The following C21orf91 variants were observed in gnomAD, a reference collection of about 807,000 sequenced individuals.
C21orf91 encodes chromosome 21 open reading frame 91.
A neutral mutation model predicts 32.9 loss-of-function variants in C21orf91; 26 were observed. The ratio of observed to expected loss-of-function variants is 0.79; its 90% CI spans 0.58 to 1.10. C21orf91 has a LOEUF of 1.10. C21orf91 is among the 50% of genes least tolerant of loss of function. C21orf91 has a pLI of 0.00. For missense variants in C21orf91, 310 were observed against 341.3 expected, an observed-to-expected ratio of 0.91 and a Z score of 0.72; for synonymous variants, 126 against 120.4, an observed-to-expected ratio of 1.05 and a Z score of -0.31.
chr21:17,809,959 G>C (rs1160074904), intron 2 of C21orf91, among the ~76,000 whole-genome samples: 1 of 152,128 alleles, frequency 6.6e-6, no homozygotes, highest in Non-Finnish European at 1.5e-5. Flanking sequence ...TACATTAATT[G>C]AAAATTATTT....
chr21:17,799,644 C>T (rs2062545330), intron 2 of C21orf91, among the ~76,000 whole-genome samples: 2 of 152,128 alleles, frequency 1.3e-5, no homozygotes, highest in Non-Finnish European at 2.9e-5. Flanking sequence ...GTTCTCATTT[C>T]CCCTAAGAAG....
chr21:17,795,320 T>A (rs756686236), intron 3 of C21orf91, 50 bp from the exon 4 acceptor site: 32 of 1,215,238 alleles, frequency 2.6e-5, no homozygotes, highest in East Asian at 1.6e-4. Context: ...TAGGAAAACA[T>A]GCTGCTTACA....
intron 1 of C21orf91, chr21:17,818,743 A>G (rs1420251029): frequency 6.4e-6 from 1 of 155,524 alleles, no homozygotes; most frequent in African/African-American, 2.4e-5. Context: ...TGCACGGGAC[A>G]CTGCTTTGCT....
In C21orf91 at chr21:17,817,114, T is replaced by C. The variant is rs145193245; in HGVS notation, c.127+1078A>G. Among the ~76,000 whole-genome samples the C allele has an allele frequency of 1.0e-3, 152 of 152,346 alleles. 1 individual carries two copies. The highest frequency in any genetic ancestry group is 3.3e-3 in the African/African-American group (137 of 41,588). Reference sequence around the variant, plus strand: ...GATTGTAGGAACACACCACTGTTCCTGTTATGTCATCTTTTGAAATTAGCT... The same window carrying C: ...GATTGTAGGAACACACCACTGTTCCCGTTATGTCATCTTTTGAAATTAGCT... On this transcript the variant is annotated intron_variant, in intron 2 of 4. Coordinates refer to ENST00000284881, the MANE Select transcript of C21orf91 (RefSeq NM_001100420.2).
chr21:17,794,864 C>T (rs1251145244), intron 4 of C21orf91, among the ~76,000 whole-genome samples: 5 of 151,820 alleles, frequency 3.3e-5, no homozygotes, highest in South Asian at 2.1e-4. Flanking sequence ...CCCAGGAGCT[C>T]GAGATCAGCC....
chr21:17,805,324 T>C (rs1161899258), intron 2 of C21orf91, among the ~76,000 whole-genome samples: 1 of 152,152 alleles, frequency 6.6e-6, no homozygotes, highest in Non-Finnish European at 1.5e-5. Context: ...GACTGATTGA[T>C]TGATTTTAGA....
At position 17,818,301 on chromosome 21, in the gene C21orf91, C is replaced by G. The variant is rs1484288257; in HGVS notation, c.18G>C (p.Gln6His). The G allele has an allele frequency of 6.2e-7, 1 of 1,611,824 alleles. No individual in the cohort carries two copies. Among genetic ancestry groups the G allele is most frequent in the East Asian group, 2.2e-5 (1 of 44,810 alleles). The change falls in exon 2 of 5, where the codon CAG becomes CAC. Residue 6 changes from glutamine to histidine, a missense_variant. By Grantham distance (24) the Gln-to-His change is conservative (BLOSUM62 0). Transcript: ENST00000284881. MNEEE[Q>H]FVNIDLNDDN... The stretch of plus-strand genomic sequence containing the variant: ...CATCATTCAAATCAATGTTTACAAA[C>G]TGCTCCTCTTCGTTCATAGTGCCCC...
intron 4 of C21orf91, among the ~76,000 whole-genome samples, chr21:17,794,008 T>G (rs951357154): frequency 6.6e-6 from 1 of 152,244 alleles, no homozygotes; most frequent in Non-Finnish European, 1.5e-5. Context: ...TTCCTACTCT[T>G]ACGTGCCTCA....
intron 2 of C21orf91, among the ~76,000 whole-genome samples, chr21:17,806,510 TAA>T (rs10719382): frequency 6.6e-6 from 1 of 151,486 alleles, no homozygotes; most frequent in Non-Finnish European, 1.5e-5. Context: ...GATGAGTTAG[TAA>T]AAAAAAAATG....
chr21:17,801,610 C>G (rs1568751824), intron 2 of C21orf91, among the ~76,000 whole-genome samples: 1 of 148,410 alleles, frequency 6.7e-6, no homozygotes, highest in Non-Finnish European at 1.5e-5. Flanking sequence ...ACAATGAGAA[C>G]ACATGGACAC....
chr21:17,800,455 G>A (rs374949704), intron 2 of C21orf91, among the ~76,000 whole-genome samples: 132 of 152,246 alleles, frequency 8.7e-4, no homozygotes, highest in African/African-American at 3.1e-3. Flanking sequence ...AATTCTTGAA[G>A]TGATTTGTTG....
intron 2 of C21orf91, among the ~76,000 whole-genome samples, chr21:17,804,390 A>G (rs1252177013): frequency 3.3e-5 from 5 of 152,212 alleles, no homozygotes; most frequent in African/African-American, 1.2e-4. Context: ...GTGTCTTAGA[A>G]AGTACTGTGA....
intron 2 of C21orf91, 109 bp from the exon 3 acceptor site, chr21:17,797,227 T>A: frequency 1.6e-6 from 1 of 644,150 alleles, no homozygotes. Context: ...GTCTGTGAAT[T>A]AGAGGAAAAA....
rs1159400564 is a variant in C21orf91 at position 17,793,320 on chromosome 21, A to T, written c.*95T>A. On this transcript the variant is annotated 3_prime_UTR_variant, in exon 5 of 5. Coordinates refer to ENST00000284881, the MANE Select transcript of C21orf91 (RefSeq NM_001100420.2). ...TATGTTTGGCAAATTTAATGACCAT[A>T]AAAAAACGGACCACAACTTTCTTCA... The T allele has an allele frequency of 4.2e-6, 4 of 945,100 alleles. No individual in the cohort carries two copies. The East Asian group carries it at 1.1e-4, about 25-fold the overall frequency. The allele number at this position is 945,100 out of a possible 1,614,324, so 58.5% of individuals were successfully genotyped here.
rs940840865 is a variant in C21orf91, at chr21:17,789,826, A to C, written c.*3589T>G. 1 of 152,098 alleles carries C rather than the reference A, an allele frequency of 6.6e-6. No individual in the cohort carries two copies. Among genetic ancestry groups the C allele is most frequent in the Non-Finnish European group, 1.5e-5 (1 of 67,964 alleles). 9.4% of individuals were successfully genotyped at this position (152,098 alleles called of 1,614,324 possible). The stretch of plus-strand genomic sequence containing the variant: ...AAACTCTTCCCTGCCCCATGACCAC[A>C]AAACTTTACTTGGTAAGAATAAACT... On this transcript the variant is annotated 3_prime_UTR_variant, in exon 5 of 5. Transcript: ENST00000284881.
chr21:17,802,079 T>C (rs1036686724), intron 2 of C21orf91, among the ~76,000 whole-genome samples: 2 of 152,204 alleles, frequency 1.3e-5, no homozygotes, highest in South Asian at 2.1e-4. Flanking sequence ...TTAAAATAAA[T>C]TGCTTTAAGA....
At chr21:17,802,918 C>A (rs142937818) in intron 2 of C21orf91, among the ~76,000 whole-genome samples, 3 of 152,204 alleles carry the variant, frequency 2.0e-5, no homozygotes, top group African/African-American at 7.2e-5. Flanking sequence ...TAACTTGGTG[C>A]TCCACAGGGA....
intron 2 of C21orf91, among the ~76,000 whole-genome samples, chr21:17,806,640 G>A (rs1364214299): frequency 6.6e-6 from 1 of 152,224 alleles, no homozygotes; most frequent in African/African-American, 2.4e-5. Context: ...AGGAGTTTGA[G>A]TTCAGCCTGG....
At chr21:17,812,790 C>G (rs2146262143) in intron 2 of C21orf91, among the ~76,000 whole-genome samples, 1 of 151,410 alleles carries the variant, frequency 6.6e-6, no homozygotes, top group East Asian at 2.0e-4. Context: ...GCCTGGGTGA[C>G]AGAGCGAGAC....
Sources: allele counts gnomAD v4.1 joint callset (sites outside exome capture counted in the v4.1 genomes callset), GRCh38; gene constraint gnomAD v4.1.1; transcripts MANE v1.5; gene names NCBI Gene and HGNC (gene_info 2026-07-23, HGNC 2026-07-21).